SLFN12L: variants seen among roughly 807,000 people sequenced by gnomAD.
SLFN12L encodes the protein schlafen family member 12-like.
A neutral mutation model predicts 34.8 loss-of-function variants in SLFN12L; 34 were observed. The observed-to-expected ratio is 0.98, with a 90% CI of 0.74 to 1.30. The LOEUF (loss-of-function observed/expected upper bound fraction) is 1.30. Ranked by LOEUF, SLFN12L falls within the 50% of genes most tolerant of loss-of-function variation. SLFN12L has a pLI of 0.00. For synonymous variants in SLFN12L, 259 were observed against 247.5 expected (o/e 1.05, Z -0.44); for missense variants, 703 against 696.2 (o/e 1.01, Z -0.11).
intron 2 of SLFN12L, among the ~76,000 whole-genome samples, chr17:35,511,359 G>A (rs1209098478): frequency 2.0e-5 from 3 of 152,314 alleles, no homozygotes; most frequent in East Asian, 3.9e-4. Flanking sequence ...TAGGCAAGAA[G>A]ATGGTAAAAT....
Position 35,522,966 on chromosome 17 carries a change from A to G in SLFN12L, c.-602T>C, listed in dbSNP as rs903468399. On this transcript the variant is annotated 5_prime_UTR_variant, in exon 2 of 5. Coordinates refer to ENST00000628453, the MANE Select transcript of SLFN12L (RefSeq NM_001363830.2). ...CAGAGTACATCGCAAATATCCTGGT[A>G]GCACTAGATGTGAAAAGAATGAGAA... 2 of 519,180 alleles carry G rather than the reference A, an allele frequency of 3.9e-6. No homozygotes were observed. Among genetic ancestry groups the G allele is most frequent in the African/African-American group, 1.9e-5 (1 of 52,396 alleles). The allele number at this position is 519,180 out of a possible 1,614,324, so 32.2% of individuals were successfully genotyped here. A position where few individuals can be genotyped will look rare whatever the true frequency, so the allele number is the denominator to read the frequency against.
rs1913816578 is a variant in SLFN12L, at chr17:35,471,956, A to G, written c.*2967T>C. Among the ~76,000 whole-genome samples, 1 of 152,066 alleles carries G rather than the reference A, an allele frequency of 6.6e-6. No individual in the cohort carries two copies. The highest frequency in any genetic ancestry group is 1.5e-5 in the Non-Finnish European group (1 of 68,018). ...TTTAAGTTCCTTGTACATTCTGGGT[A>G]TTAGACCTTTGTCAGATGGGTAGAT... is the stretch of plus-strand genomic sequence containing the variant. On this transcript the variant is annotated 3_prime_UTR_variant, in exon 5 of 5. Transcript: ENST00000628453.
intron 2 of SLFN12L, among the ~76,000 whole-genome samples, chr17:35,493,894 T>C (rs1914937179): frequency 6.6e-6 from 1 of 152,246 alleles, no homozygotes; most frequent in African/African-American, 2.4e-5. Context: ...GTTTTTGTTT[T>C]TGTTCTTAGT....
intron 2 of SLFN12L, chr17:35,498,744 C>T: frequency 7.7e-7 from 1 of 1,298,720 alleles, no homozygotes. Context: ...CTACCTTATC[C>T]ACTACCTCCA....
chr17:35,519,432 A>G (rs1274561349), intron 2 of SLFN12L, among the ~76,000 whole-genome samples: 4 of 152,244 alleles, frequency 2.6e-5, no homozygotes, highest in African/African-American at 9.6e-5. Context: ...GTAATATTGA[A>G]ATATAACCCA....
intron 2 of SLFN12L, among the ~76,000 whole-genome samples, chr17:35,496,763 T>TCAGCCTTCTCTTTGCGCCTCCC (rs1321779737): frequency 6.6e-6 from 1 of 152,218 alleles, no homozygotes; most frequent in East Asian, 1.9e-4. Context: ...GATCGCCTTC[T>TCAGCCTTCTCTTTGCGCCTCCC]CAGCCTTCTC....
rs1913875257 is a variant in SLFN12L at position 35,474,668 on chromosome 17, T to C, written c.*255A>G. ...CGGGCGCGGTGGCTCACATCTGTACTCCTAGCACTTTGGGAGACCGGGGGG... is the reference window on the plus strand; with the variant it reads ...CGGGCGCGGTGGCTCACATCTGTACCCCTAGCACTTTGGGAGACCGGGGGG... On this transcript the variant is annotated 3_prime_UTR_variant, in exon 5 of 5. Coordinates refer to ENST00000628453, the MANE Select transcript of SLFN12L (RefSeq NM_001363830.2). 2.7e-6 allele frequency: 1 copy of C among 370,300 alleles called. No individual in the cohort carries two copies. Among genetic ancestry groups the C allele is most frequent in the South Asian group, 2.7e-5 (1 of 36,988 alleles). 22.9% of individuals were successfully genotyped at this position (370,300 alleles called of 1,614,324 possible).
At chr17:35,508,549 C>T (rs1406478882) in intron 2 of SLFN12L, among the ~76,000 whole-genome samples, 3 of 152,126 alleles carry the variant, frequency 2.0e-5, no homozygotes, top group South Asian at 4.1e-4. Context: ...GGGGTTTCAC[C>T]GTGTTAGCCA....
intron 1 of SLFN12L, among the ~76,000 whole-genome samples, chr17:35,525,378 G>A (rs939625826): frequency 3.9e-5 from 6 of 152,052 alleles, no homozygotes; most frequent in African/African-American, 9.7e-5. Flanking sequence ...GATATTCCTC[G>A]AGAAGAGCAA....
At chr17:35,484,236 C>T (rs2142134020) in intron 2 of SLFN12L, among the ~76,000 whole-genome samples, 1 of 152,342 alleles carries the variant, frequency 6.6e-6, no homozygotes, top group Middle Eastern at 3.4e-3. Context: ...CCTTCACTCT[C>T]TGCTACTCCC....
intron 2 of SLFN12L, among the ~76,000 whole-genome samples, chr17:35,494,859 AT>A (rs1914982131): frequency 6.6e-6 from 1 of 151,524 alleles, no homozygotes; most frequent in Non-Finnish European, 1.5e-5. Flanking sequence ...TTTATCACCG[AT>A]TTTTGCGTTA....
intron 2 of SLFN12L, among the ~76,000 whole-genome samples, chr17:35,505,078 T>G (rs1915424236): frequency 6.6e-6 from 1 of 152,202 alleles, no homozygotes; most frequent in South Asian, 2.1e-4. Context: ...ACCAGATCAA[T>G]TTAAAGCCCA....
intron 2 of SLFN12L, among the ~76,000 whole-genome samples, chr17:35,482,797 C>A (rs1012417014): frequency 5.9e-5 from 9 of 152,164 alleles, no homozygotes; most frequent in African/African-American, 2.2e-4. Flanking sequence ...TAGGGCCACA[C>A]CTTCAGGCCT....
At chr17:35,487,029 T>C (rs1487347698) in intron 2 of SLFN12L, among the ~76,000 whole-genome samples, 1 of 152,182 alleles carries the variant, frequency 6.6e-6, no homozygotes, top group Admixed American at 6.5e-5. Flanking sequence ...GGTGCTTGGT[T>C]TTTCTTTCAG....
intron 2 of SLFN12L, chr17:35,490,377 C>T (rs1470592462): frequency 1.6e-5 from 21 of 1,321,950 alleles, no homozygotes; most frequent in Non-Finnish European, 2.2e-5. Flanking sequence ...TTGATCTGCT[C>T]ACCAAGAAGT....
intron 2 of SLFN12L, among the ~76,000 whole-genome samples, chr17:35,488,538 C>A (rs1490892389): frequency 6.6e-6 from 1 of 152,156 alleles, no homozygotes; most frequent in Non-Finnish European, 1.5e-5. Flanking sequence ...ATGGTAATTA[C>A]GATAATACAC....
At chr17:35,530,862 G>T (rs941809869) in intron 1 of SLFN12L, among the ~76,000 whole-genome samples, 3 of 152,092 alleles carry the variant, frequency 2.0e-5, no homozygotes, top group African/African-American at 7.2e-5. Context: ...TTCGTTATTT[G>T]ATTCAGTAGC....
At chr17:35,523,271 A>G (rs1916051080) in intron 1 of SLFN12L, among the ~76,000 whole-genome samples, 1 of 152,196 alleles carries the variant, frequency 6.6e-6, no homozygotes, top group Non-Finnish European at 1.5e-5. Context: ...AAGTAACATA[A>G]AGAGTCTGGC....
Position 35,533,818 on chromosome 17 carries a change from C to T in SLFN12L, c.-606+3755G>A, listed in dbSNP as rs138696783. On this transcript the variant is annotated intron_variant, in intron 1 of 4. Transcript: ENST00000628453. ...GAAGCTGGCCAGACACCATAGCTCA[C>T]GCCTGTAATCCCAGCACTTTGGGAG... Among the ~76,000 whole-genome samples the T allele has an allele frequency of 3.1e-3, 466 of 152,254 alleles. 4 individuals carry two copies. Among genetic ancestry groups the T allele is most frequent in the African/African-American group, 0.011 (442 of 41,558 alleles).
Sources: gnomAD v4.1 joint callset for allele counts (sites outside exome capture counted in the v4.1 genomes callset) on GRCh38, gnomAD v4.1.1 for gene constraint, MANE v1.5 for transcripts, NCBI Gene and HGNC (gene_info 2026-07-23, HGNC 2026-07-21) for gene names.